The following CNTNAP2 variants were observed in gnomAD, a reference collection of about 807,000 sequenced individuals.
CNTNAP2 encodes contactin associated protein 2.
CNTNAP2 carries 98 observed loss-of-function variants against 155.2 expected under a neutral mutation model. The ratio of observed to expected loss-of-function variants is 0.63; its 90% CI spans 0.54 to 0.75. CNTNAP2 has a LOEUF of 0.75. Ranked by LOEUF, CNTNAP2 falls within the 30% of genes least tolerant of loss-of-function variation. The probability of loss-of-function intolerance (pLI) is 0.00; values close to 1 mark genes in which losing one functional copy is unlikely to be tolerated. For missense variants in CNTNAP2, 1,727 were observed against 1,688.1 expected (o/e 1.02, Z -0.40); for synonymous variants, 651 against 631.2 (o/e 1.03, Z -0.47).
chr7:148,017,532 A>G (rs1417114720), intron 15 of CNTNAP2, among the ~76,000 whole-genome samples: 2 of 152,240 alleles, frequency 1.3e-5, no homozygotes, highest in Non-Finnish European at 2.9e-5. Flanking sequence ...CTTGGTTTAT[A>G]AACTATGAAA....
chr7:146,890,951 C>A (rs1201814242), intron 3 of CNTNAP2, among the ~76,000 whole-genome samples: 4 of 152,154 alleles, frequency 2.6e-5, no homozygotes, highest in African/African-American at 9.7e-5. Context: ...GTGCTTATCA[C>A]AGCACTATCA....
intron 13 of CNTNAP2, among the ~76,000 whole-genome samples, chr7:147,889,750 T>C (rs1366457387): frequency 1.3e-5 from 2 of 152,186 alleles, no homozygotes; most frequent in Admixed American, 6.5e-5. Flanking sequence ...TTAGCACATA[T>C]AGCTAGTGAG....
intron 1 of CNTNAP2, among the ~76,000 whole-genome samples, chr7:146,338,474 A>G (rs186775521): frequency 1.2e-3 from 178 of 152,272 alleles, no homozygotes; most frequent in Admixed American, 2.0e-3. Context: ...CCATCAATAG[A>G]GGATTACTCG....
chr7:147,005,352 T>C (rs1351163101), intron 3 of CNTNAP2, among the ~76,000 whole-genome samples: 1 of 152,094 alleles, frequency 6.6e-6, no homozygotes, highest in African/African-American at 2.4e-5. Flanking sequence ...ATAACCAATA[T>C]TTTAAATATA....
chr7:146,900,935 G>C (rs910851433), intron 3 of CNTNAP2, among the ~76,000 whole-genome samples: 1 of 151,912 alleles, frequency 6.6e-6, no homozygotes, highest in Non-Finnish European at 1.5e-5. Flanking sequence ...ATGAACAAAT[G>C]AATCCTCTGT....
At chr7:146,934,564 A>G (rs1234252705) in intron 3 of CNTNAP2, among the ~76,000 whole-genome samples, 1 of 152,122 alleles carries the variant, frequency 6.6e-6, no homozygotes, top group Non-Finnish European at 1.5e-5. Flanking sequence ...TAACCTGCAC[A>G]TTGTGCACAT....
intron 1 of CNTNAP2, among the ~76,000 whole-genome samples, chr7:146,395,831 GAGA>G (rs1563068462): frequency 0.022 from 2,393 of 108,980 alleles, 69 homozygotes; most frequent in African/African-American, 0.077. Flanking sequence ...ATAGAGGAGA[GAGA>G]GAGAGAGAGA....
At chr7:148,379,380 G>T (rs116301278) in intron 21 of CNTNAP2, among the ~76,000 whole-genome samples, 1,778 of 152,112 alleles carry the variant, frequency 0.012, 36 homozygotes, top group African/African-American at 0.041. Flanking sequence ...CAAAGGAAAA[G>T]AAGAAATCTC....
intron 9 of CNTNAP2, among the ~76,000 whole-genome samples, chr7:147,301,800 G>T (rs370769983): frequency 1.3e-5 from 2 of 152,046 alleles, no homozygotes; most frequent in African/African-American, 4.8e-5. Flanking sequence ...TAAGCAAGAC[G>T]TCACTTTATT....
intron 9 of CNTNAP2, among the ~76,000 whole-genome samples, chr7:147,308,216 C>A (rs1795065590): frequency 6.6e-6 from 1 of 152,078 alleles, no homozygotes; most frequent in Non-Finnish European, 1.5e-5. Context: ...CTGGTGTGTG[C>A]AGGGAGCGAT....
At chr7:147,701,266 T>C (rs1796232685) in intron 13 of CNTNAP2, among the ~76,000 whole-genome samples, 1 of 152,170 alleles carries the variant, frequency 6.6e-6, no homozygotes, top group African/African-American at 2.4e-5. Flanking sequence ...CCTGGTTTGT[T>C]TGCAAGGAAA....
At chr7:146,423,857 A>C (rs1168760898) in intron 1 of CNTNAP2, among the ~76,000 whole-genome samples, 1 of 152,222 alleles carries the variant, frequency 6.6e-6, no homozygotes, top group Non-Finnish European at 1.5e-5. Flanking sequence ...GATAGGCTTT[A>C]GTCAGATAAA....
intron 15 of CNTNAP2, among the ~76,000 whole-genome samples, chr7:148,020,355 C>T (rs774830918): frequency 2.0e-5 from 3 of 152,138 alleles, no homozygotes; most frequent in Admixed American, 6.5e-5. Context: ...CACTAGTCTC[C>T]GATTAACTAC....
At chr7:146,199,565 A>G (rs1798827072) in intron 1 of CNTNAP2, among the ~76,000 whole-genome samples, 1 of 152,228 alleles carries the variant, frequency 6.6e-6, no homozygotes, top group South Asian at 2.1e-4. Flanking sequence ...ATCACTGCAC[A>G]TGACTGGAAG....
At chr7:146,175,900 C>A (rs1798463473) in intron 1 of CNTNAP2, among the ~76,000 whole-genome samples, 1 of 151,998 alleles carries the variant, frequency 6.6e-6, no homozygotes, top group South Asian at 2.1e-4. Context: ...CTGGCCATAA[C>A]CCTATTGCAG....
chr7:147,955,704 G>A (rs1801007747), intron 14 of CNTNAP2, among the ~76,000 whole-genome samples: 2 of 152,156 alleles, frequency 1.3e-5, no homozygotes, highest in African/African-American at 4.8e-5. Context: ...CACAGTCCCT[G>A]ACCAAGTGGA....
At chr7:146,767,122 T>C (rs1802209316) in intron 1 of CNTNAP2, among the ~76,000 whole-genome samples, 1 of 152,170 alleles carries the variant, frequency 6.6e-6, no homozygotes. Flanking sequence ...GGTCCTTCTG[T>C]TTGATAAGTT....
chr7:147,865,687 T>C (rs539328485), intron 13 of CNTNAP2, among the ~76,000 whole-genome samples: 1 of 152,344 alleles, frequency 6.6e-6, no homozygotes, highest in African/African-American at 2.4e-5. Flanking sequence ...TCTATCCATT[T>C]CTTCTAGATT....
chr7:148,163,005 T>A (rs1418622086), intron 17 of CNTNAP2, among the ~76,000 whole-genome samples: 1 of 152,040 alleles, frequency 6.6e-6, no homozygotes, highest in Non-Finnish European at 1.5e-5. Flanking sequence ...CCAAAAAAAA[T>A]AAATAAATAT....
Sources: allele counts gnomAD v4.1 joint callset (sites outside exome capture counted in the v4.1 genomes callset), GRCh38; gene constraint gnomAD v4.1.1; transcripts MANE v1.5; gene names NCBI Gene and HGNC (gene_info 2026-07-23, HGNC 2026-07-21).